ITSN1: variants seen among roughly 807,000 people sequenced by gnomAD.
ITSN1 encodes intersectin-1.
Under a neutral mutation model 239.8 loss-of-function variants are expected in ITSN1, and 58 were observed. The observed-to-expected ratio is 0.24, with a 90% CI of 0.20 to 0.30. The LOEUF is 0.30. ITSN1 is among the 10% of genes least tolerant of loss of function. ITSN1 has a pLI of 1.00. For synonymous variants in ITSN1, 780 were observed against 770.8 expected (o/e 1.01, Z -0.20); for missense variants, 1,558 against 2,103.3 (o/e 0.74, Z 5.07).
At chr21:33,659,424 G>A (rs1157328077) in intron 1 of ITSN1, among the ~76,000 whole-genome samples, 3 of 152,122 alleles carry the variant, frequency 2.0e-5, no homozygotes, top group Non-Finnish European at 4.4e-5. Flanking sequence ...TGGCAGAAGT[G>A]CAAGACTTGA....
At chr21:33,655,187 G>A (rs930004409) in intron 1 of ITSN1, among the ~76,000 whole-genome samples, 1 of 152,054 alleles carries the variant, frequency 6.6e-6, no homozygotes, top group Non-Finnish European at 1.5e-5. Context: ...ACTCTGGCTC[G>A]GACCTGTTTT....
intron 30 of ITSN1, 88 bp from the exon 31 acceptor site, chr21:33,858,598 C>G (rs550022037): frequency 7.5e-6 from 6 of 795,522 alleles, no homozygotes; most frequent in Admixed American, 2.0e-5. Context: ...ACACCTGAGC[C>G]CTTTCCCTGC....
chr21:33,778,570 TC>T (rs1477963605), intron 14 of ITSN1, among the ~76,000 whole-genome samples: 4 of 112,238 alleles, frequency 3.6e-5, no homozygotes, highest in South Asian at 2.9e-4. Context: ...TATAATATTC[TC>T]TTTTTTTTTT....
At chr21:33,659,555 C>T (rs2089377173) in intron 1 of ITSN1, among the ~76,000 whole-genome samples, 1 of 152,040 alleles carries the variant, frequency 6.6e-6, no homozygotes, top group Admixed American at 6.5e-5. Flanking sequence ...TGTTGGAGAA[C>T]ATTTTTTAGA....
chr21:33,700,989 GT>G (rs34937629), intron 1 of ITSN1, among the ~76,000 whole-genome samples: 4 of 137,722 alleles, frequency 2.9e-5, no homozygotes, highest in African/African-American at 1.1e-4. Flanking sequence ...GTGTGTGTGT[GT>G]TTTCTTATAG....
intron 29 of ITSN1, among the ~76,000 whole-genome samples, chr21:33,853,381 C>G (rs1035700616): frequency 6.6e-6 from 1 of 152,216 alleles, no homozygotes; most frequent in African/African-American, 2.4e-5. Flanking sequence ...CAGGAGGCCA[C>G]GCAGCAGCCC....
At chr21:33,736,099 C>G (rs1007466479) in intron 5 of ITSN1, among the ~76,000 whole-genome samples, 4 of 152,174 alleles carry the variant, frequency 2.6e-5, no homozygotes, top group African/African-American at 9.7e-5. Flanking sequence ...GATTTCTGTT[C>G]TCATTCTAGA....
At chr21:33,745,002 T>C (rs2147383895) in intron 5 of ITSN1, among the ~76,000 whole-genome samples, 1 of 152,322 alleles carries the variant, frequency 6.6e-6, no homozygotes, top group East Asian at 1.9e-4. Context: ...AGCACCTCTT[T>C]ATAAAATTAT....
chr21:33,669,535 G>A (rs1292248551), intron 1 of ITSN1, among the ~76,000 whole-genome samples: 1 of 152,004 alleles, frequency 6.6e-6, no homozygotes, highest in Non-Finnish European at 1.5e-5. Flanking sequence ...CGCCTCCCGG[G>A]TTCAAGCAAT....
intron 1 of ITSN1, among the ~76,000 whole-genome samples, chr21:33,705,110 C>CAA (rs1174530558): frequency 4.7e-4 from 33 of 69,676 alleles, no homozygotes; most frequent in Admixed American, 1.1e-3. Flanking sequence ...GACTCCGTCT[C>CAA]AAAAAAAAAA....
At chr21:33,749,399 T>C (rs1206697922) in intron 5 of ITSN1, among the ~76,000 whole-genome samples, 7 of 152,194 alleles carry the variant, frequency 4.6e-5, no homozygotes, top group Non-Finnish European at 1.5e-5. Context: ...TCCCAGCACT[T>C]TGGGAGGCCA....
rs985923086 is a variant in ITSN1 at position 33,892,144 on chromosome 21, C to T, written c.*3844C>T. On this transcript the variant is annotated 3_prime_UTR_variant, in exon 40 of 40. Coordinates refer to ENST00000381318, the MANE Select transcript of ITSN1 (RefSeq NM_003024.3). ...TTTACAAGTTTAGAGCATCCTATGC[C>T]AGAAAGTGAGATGAAAACAAAGGCA... 3.9e-5 allele frequency: 6 copies of T among 152,120 alleles called. No homozygotes were observed. Among genetic ancestry groups the T allele is most frequent in the African/African-American group, 1.4e-4 (6 of 41,400 alleles). 9.4% of individuals were successfully genotyped at this position (152,120 alleles called of 1,614,324 possible).
In ITSN1 at chr21:33,819,749, G is replaced by A. The variant is rs1243733723; in HGVS notation, c.3016+426G>A. On this transcript the variant is annotated intron_variant, in intron 24 of 39. Coordinates refer to ENST00000381318, the MANE Select transcript of ITSN1 (RefSeq NM_003024.3). ...TGTAATCCCAGCACTTTGGGAGGCC[G>A]AGGCGGGTGGATCATGAGGTCAGGA... 5.3e-5 allele frequency among the ~76,000 whole-genome samples: 8 copies of A among 152,176 alleles called. No individual in the cohort carries two copies. The South Asian group carries it at 6.2e-4, about 12-fold the overall frequency.
At chr21:33,867,450 G>C in intron 33 of ITSN1, 119 bp downstream of exon 33, 1 of 673,296 alleles carries the variant, frequency 1.5e-6, no homozygotes, top group Non-Finnish European at 2.7e-6. Context: ...GAAAGCACGA[G>C]ACAACAAGGT....
At chr21:33,691,582 G>A (rs1032198493) in intron 1 of ITSN1, among the ~76,000 whole-genome samples, 2 of 152,178 alleles carry the variant, frequency 1.3e-5, no homozygotes, top group Non-Finnish European at 2.9e-5. Context: ...AGACATCAAG[G>A]TCAGTAGATC....
intron 16 of ITSN1, among the ~76,000 whole-genome samples, chr21:33,791,343 G>A (rs576178435): frequency 3.8e-4 from 58 of 152,246 alleles, no homozygotes; most frequent in African/African-American, 1.2e-3. Context: ...CTTATTTGTC[G>A]TCTGTTATTT....
chr21:33,811,959 T>G (rs2072947389), intron 21 of ITSN1, among the ~76,000 whole-genome samples: 1 of 151,992 alleles, frequency 6.6e-6, no homozygotes, highest in African/African-American at 2.4e-5. Flanking sequence ...AAGAAACAAA[T>G]TGAAGGCAAG....
At chr21:33,842,572 C>T (rs1352739585) in intron 29 of ITSN1, among the ~76,000 whole-genome samples, 1 of 151,310 alleles carries the variant, frequency 6.6e-6, no homozygotes, top group Non-Finnish European at 1.5e-5. Context: ...TAACTGCCTA[C>T]ATCTGTAGCT....
chr21:33,834,267 G>A (rs1569277115), intron 27 of ITSN1, 40 bp from the exon 28 acceptor site: 1 of 1,425,958 alleles, frequency 7.0e-7, no homozygotes, highest in South Asian at 1.1e-5. Context: ...TATAAAAGAT[G>A]CGCCTTTAAA....
Sources: gnomAD v4.1 joint callset for allele counts (sites outside exome capture counted in the v4.1 genomes callset) on GRCh38, gnomAD v4.1.1 for gene constraint, MANE v1.5 for transcripts, NCBI Gene and HGNC (gene_info 2026-07-23, HGNC 2026-07-21) for gene names.